The following PTPRG variants were observed in gnomAD, a reference collection of about 807,000 sequenced individuals.
PTPRG encodes the protein protein tyrosine phosphatase receptor type G.
A neutral mutation model predicts 165.3 loss-of-function variants in PTPRG; 102 were observed. That is an observed-to-expected ratio of 0.62 (90% CI 0.53 to 0.73). The LOEUF (loss-of-function observed/expected upper bound fraction) is 0.73, where lower values mean the gene tolerates loss of function less well. PTPRG is among the 30% of genes least tolerant of loss of function. PTPRG has a pLI of 0.00. For synonymous variants in PTPRG, 675 were observed against 669.5 expected (o/e 1.01, Z -0.13); for missense variants, 1,866 against 1,861.4 (o/e 1.00, Z -0.05).
chr3:61,760,070 A>G (rs2033782295), intron 2 of PTPRG, among the ~76,000 whole-genome samples: 1 of 152,142 alleles, frequency 6.6e-6, no homozygotes, highest in Non-Finnish European at 1.5e-5. Context: ...TTTAAAGAAA[A>G]ATTTTATCTA....
At chr3:61,690,098 C>A (rs2030090484) in intron 1 of PTPRG, among the ~76,000 whole-genome samples, 1 of 152,216 alleles carries the variant, frequency 6.6e-6, no homozygotes, top group Non-Finnish European at 1.5e-5. Flanking sequence ...TCTCAACCAT[C>A]CCCTGGGTTT....
chr3:61,642,548 G>A (rs1702096703), intron 1 of PTPRG, among the ~76,000 whole-genome samples: 1 of 152,128 alleles, frequency 6.6e-6, no homozygotes, highest in Non-Finnish European at 1.5e-5. Context: ...AGAGTGAAAG[G>A]GAGGCCAGAG....
chr3:61,742,642 T>A, intron 1 of PTPRG: 1 of 1,605,110 alleles, frequency 6.2e-7, no homozygotes, highest in Non-Finnish European at 8.5e-7. Context: ...CATTTGGAAC[T>A]TGATTGTGGA....
chr3:62,239,360 CT>C lies in PTPRG; in HGVS notation c.2376-4428del, dbSNP rs776921598. Among the ~76,000 whole-genome samples, 1,094 of 124,500 alleles carry C rather than the reference CT, an allele frequency of 8.8e-3. 3 individuals carry two copies. Among genetic ancestry groups the C allele is most frequent in the Middle Eastern group, 0.042 (9 of 214 alleles). The allele number at this position is 124,500 out of a possible 152,430, so 81.7% of individuals were successfully genotyped here. On this transcript the variant is annotated intron_variant, in intron 14 of 29. Transcript: ENST00000474889. ...TTCTTTCTTTCTTTCTTTTTTCTTT[CT>C]TTTTTTTTTTTTTTTTTTGAGACCA...
chr3:61,855,844 T>C (rs1464360312), intron 2 of PTPRG, among the ~76,000 whole-genome samples: 2 of 151,726 alleles, frequency 1.3e-5, no homozygotes, highest in Admixed American at 1.3e-4. Flanking sequence ...ACCTTGGAGG[T>C]TGGCATTAAA....
At chr3:62,143,744 G>C (rs141421629) in intron 6 of PTPRG, among the ~76,000 whole-genome samples, 2 of 152,226 alleles carry the variant, frequency 1.3e-5, no homozygotes, top group East Asian at 3.9e-4. Context: ...GAACACAACT[G>C]AATGAGGTTT....
chr3:61,865,923 A>G (rs1012644240), intron 2 of PTPRG, among the ~76,000 whole-genome samples: 1 of 152,182 alleles, frequency 6.6e-6, no homozygotes, highest in African/African-American at 2.4e-5. Flanking sequence ...TTATCATCCT[A>G]TAGGCTGTTG....
intron 4 of PTPRG, among the ~76,000 whole-genome samples, chr3:62,037,608 A>C (rs1466832835): frequency 6.6e-6 from 1 of 152,174 alleles, no homozygotes; most frequent in Non-Finnish European, 1.5e-5. Context: ...ACTCTTCATC[A>C]ATAGTCAAAT....
chr3:61,907,078 A>G (rs761759358), intron 2 of PTPRG, among the ~76,000 whole-genome samples: 2 of 152,084 alleles, frequency 1.3e-5, no homozygotes, highest in Non-Finnish European at 2.9e-5. Flanking sequence ...AGAAGTTGTT[A>G]TTTGGGGTAA....
intron 2 of PTPRG, among the ~76,000 whole-genome samples, chr3:61,817,196 AT>A (rs1559628631): frequency 1.5e-5 from 2 of 132,764 alleles, no homozygotes; most frequent in African/African-American, 5.7e-5. Flanking sequence ...AAAATAATAT[AT>A]ATAATAATAT....
intron 1 of PTPRG, among the ~76,000 whole-genome samples, chr3:61,596,737 A>G (rs28703149): frequency 0.14 from 21,405 of 152,128 alleles, 1,956 homozygotes; most frequent in African/African-American, 0.25. Flanking sequence ...ACAATGAACA[A>G]AAATGAGAAT....
At chr3:61,714,687 T>A (rs996222370) in intron 1 of PTPRG, among the ~76,000 whole-genome samples, 2 of 152,206 alleles carry the variant, frequency 1.3e-5, no homozygotes, top group Non-Finnish European at 2.9e-5. Context: ...CTAAACCATA[T>A]ACTTGCAGGG....
At chr3:62,284,733 T>C (rs546340943) in intron 28 of PTPRG, among the ~76,000 whole-genome samples, 22 of 152,240 alleles carry the variant, frequency 1.4e-4, no homozygotes, top group African/African-American at 5.3e-4. Context: ...TCAACTTAAC[T>C]GTACAGACCA....
At position 61,882,079 on chromosome 3, in the gene PTPRG, GT is replaced by G. The variant is rs201004084; in HGVS notation, c.191-107545del. Among the ~76,000 whole-genome samples, 221 of 152,304 alleles carry G rather than the reference GT, an allele frequency of 1.5e-3. 2 individuals carry two copies. The highest frequency in any genetic ancestry group is 5.0e-3 in the African/African-American group (208 of 41,570). On this transcript the variant is annotated intron_variant, in intron 2 of 29. Transcript: ENST00000474889. The stretch of plus-strand genomic sequence containing the variant: ...TAGTTACATGCCATTACAACTGACA[GT>G]ATACCCCCTTTTAAAGAAAATACAT...
chr3:61,882,504 G>A (rs545285912), intron 2 of PTPRG, among the ~76,000 whole-genome samples: 1 of 152,228 alleles, frequency 6.6e-6, no homozygotes, highest in South Asian at 2.1e-4. Context: ...CTATCTTGGT[G>A]GCAGAGTTAG....
intron 2 of PTPRG, among the ~76,000 whole-genome samples, chr3:61,878,765 A>G (rs115661784): frequency 3.9e-4 from 60 of 152,186 alleles, no homozygotes; most frequent in African/African-American, 1.4e-3. Context: ...CTGCCTCCCA[A>G]AGTGCTTGCA....
In PTPRG at chr3:62,254,687, T is replaced by TCC. The variant is rs1450824816; in HGVS notation, c.2468-437_2468-436insCC. 1.5e-4 allele frequency among the ~76,000 whole-genome samples: 23 copies of TCC among 152,106 alleles called. No homozygotes were observed. In the South Asian group the frequency reaches 3.9e-3, roughly 26 times the overall value. On this transcript the variant is annotated intron_variant, in intron 15 of 29. Coordinates refer to ENST00000474889, the MANE Select transcript of PTPRG (RefSeq NM_002841.4). The surrounding 1 kb of genome is among the most constrained non-coding windows in gnomAD (Gnocchi z 4.6). ...AACTTATAAGATTGGAAATAGAACTTAATTGCTTAAAGTTCAAGCTGGACT... is the reference window on the plus strand; with the variant it reads ...AACTTATAAGATTGGAAATAGAACTTCCAATTGCTTAAAGTTCAAGCTGGACT...
chr3:62,026,790 G>T (rs188558685), intron 4 of PTPRG, among the ~76,000 whole-genome samples: 1 of 150,544 alleles, frequency 6.6e-6, no homozygotes, highest in Non-Finnish European at 1.5e-5. Flanking sequence ...GGAGTCTGAG[G>T]CAGGAGAATC....
chr3:61,997,113 A>G (rs977040907), intron 3 of PTPRG, among the ~76,000 whole-genome samples: 5 of 152,186 alleles, frequency 3.3e-5, no homozygotes, highest in African/African-American at 7.2e-5. Context: ...CAGTGAGTTA[A>G]CTGAGACCCA....
Sources: allele counts gnomAD v4.1 joint callset (sites outside exome capture counted in the v4.1 genomes callset), GRCh38; gene constraint gnomAD v4.1.1; non-coding constraint Gnocchi (gnomAD v3.1); transcripts MANE v1.5; gene names NCBI Gene and HGNC (gene_info 2026-07-23, HGNC 2026-07-21).